The following GALNTL6 variants were observed in gnomAD, a reference collection of about 807,000 sequenced individuals.
The protein encoded by GALNTL6 is polypeptide N-acetylgalactosaminyltransferase-like 6.
GALNTL6 carries 46 observed loss-of-function variants against 73.7 expected under a neutral mutation model. The ratio of observed to expected loss-of-function variants is 0.62; its 90% confidence interval spans 0.49 to 0.80. The LOEUF (loss-of-function observed/expected upper bound fraction) is 0.80, where lower values mean the gene tolerates loss of function less well. Among genes scored for constraint, GALNTL6 ranks in the 30% least tolerant of loss-of-function variants. The pLI is 0.00. For synonymous variants in GALNTL6, 259 were observed against 263.7 expected, an observed-to-expected ratio of 0.98 and a Z score of 0.17; for missense variants, 604 against 755.0, an observed-to-expected ratio of 0.80 and a Z score of 2.34.
chr4:172,334,571 A>T (rs530109961), intron 4 of GALNTL6, among the ~76,000 whole-genome samples: 5 of 152,064 alleles, frequency 3.3e-5, no homozygotes, highest in East Asian at 1.9e-4. Flanking sequence ...TTTTACATTA[A>T]TTTTTTATCC....
intron 2 of GALNTL6, among the ~76,000 whole-genome samples, chr4:172,156,773 G>T (rs1200691874): frequency 1.3e-5 from 2 of 151,762 alleles, no homozygotes; most frequent in African/African-American, 4.8e-5. Flanking sequence ...GGAAGTGTGT[G>T]CCATGGGGTG....
chr4:172,494,298 A>C (rs338005), intron 5 of GALNTL6, among the ~76,000 whole-genome samples: 120,576 of 152,038 alleles, frequency 0.79, 48,151 homozygotes, highest in East Asian at 0.99. Flanking sequence ...CTGGGGATTA[A>C]ATAAGTTAAA....
chr4:172,937,635 G>A (rs914784257), intron 9 of GALNTL6, among the ~76,000 whole-genome samples: 5 of 152,226 alleles, frequency 3.3e-5, no homozygotes, highest in African/African-American at 1.2e-4. Context: ...GCTAGGCCCT[G>A]GAAGTTTAAG....
At position 172,713,222 on chromosome 4, in the gene GALNTL6, ATGTG is replaced by A. The variant is rs61504713; in HGVS notation, c.554-96097_554-96094del. 5.8e-3 allele frequency among the ~76,000 whole-genome samples: 812 copies of A among 139,224 alleles called. 10 individuals carry two copies. Among genetic ancestry groups the A allele is most frequent in the African/African-American group, 0.017 (648 of 38,774 alleles). The allele number at this position is 139,224 out of a possible 152,430, so 91.3% of individuals were successfully genotyped here. On this transcript the variant is annotated intron_variant, in intron 5 of 12. Transcript: ENST00000506823. ...AATAAGAGAACAACAAAAGAATAAG[ATGTG>A]TGTGTGTGTGTGTGTGTGTGTGTGT... is the stretch of plus-strand genomic sequence containing the variant.
At chr4:171,968,837 G>A (rs1334821001) in intron 2 of GALNTL6, among the ~76,000 whole-genome samples, 2 of 112,256 alleles carry the variant, frequency 1.8e-5, no homozygotes, top group African/African-American at 5.4e-5. Context: ...TTTTTTGTGC[G>A]GGGTGGGGGG....
chr4:172,969,407 A>C (rs1454501050), intron 10 of GALNTL6, among the ~76,000 whole-genome samples: 2 of 152,174 alleles, frequency 1.3e-5, no homozygotes, highest in Non-Finnish European at 2.9e-5. Flanking sequence ...AGAAGAAAAA[A>C]CAACTAATAC....
chr4:172,043,152 A>G (rs1742131586), intron 2 of GALNTL6, among the ~76,000 whole-genome samples: 1 of 152,000 alleles, frequency 6.6e-6, no homozygotes, highest in East Asian at 1.9e-4. Context: ...GTTAACTAGC[A>G]ATTATTTTGG....
chr4:172,980,641 C>T (rs961136788), intron 10 of GALNTL6, among the ~76,000 whole-genome samples: 40 of 152,162 alleles, frequency 2.6e-4, no homozygotes, highest in African/African-American at 9.4e-4. Flanking sequence ...GTTTGGCGGG[C>T]GAGGGGAAAA....
At chr4:171,987,978 G>A (rs932807395) in intron 2 of GALNTL6, among the ~76,000 whole-genome samples, 6 of 152,166 alleles carry the variant, frequency 3.9e-5, no homozygotes, top group Admixed American at 3.9e-4. Context: ...ACAGCTGAAG[G>A]AGCCGGGGAG....
At chr4:172,901,231 T>A (rs929584934) in intron 8 of GALNTL6, among the ~76,000 whole-genome samples, 1 of 152,152 alleles carries the variant, frequency 6.6e-6, no homozygotes, top group African/African-American at 2.4e-5. Context: ...TTCCTGTCCC[T>A]CCCTGTTAGT....
At chr4:172,487,335 T>C (rs141959174) in intron 5 of GALNTL6, among the ~76,000 whole-genome samples, 12,676 of 135,948 alleles carry the variant, frequency 0.093, 758 homozygotes, top group Non-Finnish European at 0.15. Flanking sequence ...TCTTTCTTTC[T>C]TTCTTTCTTT....
At chr4:172,115,453 C>T (rs1193514406) in intron 2 of GALNTL6, among the ~76,000 whole-genome samples, 4 of 152,138 alleles carry the variant, frequency 2.6e-5, no homozygotes, top group Admixed American at 2.6e-4. Context: ...AAAGAAAGCA[C>T]ACATCTTAAT....
At chr4:172,493,315 CAGAA>C (rs947922225) in intron 5 of GALNTL6, among the ~76,000 whole-genome samples, 3 of 152,132 alleles carry the variant, frequency 2.0e-5, no homozygotes, top group African/African-American at 7.2e-5. Context: ...CTACCACTAA[CAGAA>C]AGAGCAATTT....
chr4:171,908,753 A>G (rs1228828159), intron 2 of GALNTL6, among the ~76,000 whole-genome samples: 2,003 of 147,714 alleles, frequency 0.014, 84 homozygotes, highest in African/African-American at 0.05. Flanking sequence ...CCAAATGTCC[A>G]ACAACGATAG....
chr4:172,412,966 A>G (rs1215032901), intron 5 of GALNTL6, among the ~76,000 whole-genome samples: 1 of 152,226 alleles, frequency 6.6e-6, no homozygotes. Flanking sequence ...CATTCTCAGC[A>G]GGAAGACAGA....
At position 172,336,270 on chromosome 4, in the gene GALNTL6, G is replaced by GTTTTTTTTTTTTTTTTTT. The variant is rs138448149; in HGVS notation, c.387-12249_387-12248insTTTTTTTTTTTTTTTTTT. On this transcript the variant is annotated intron_variant, in intron 4 of 12. Transcript: ENST00000506823. ...TGAGAACTCTTCTTGGTATAGTTTT[G>GTTTTTTTTTTTTTTTTTT]TTTTGTTTTTTTTTTTTTTTGACTG... Among the ~76,000 whole-genome samples, 7 of 108,420 alleles carry GTTTTTTTTTTTTTTTTTT rather than the reference G, an allele frequency of 6.5e-5. 2 individuals are homozygous for GTTTTTTTTTTTTTTTTTT. The highest frequency in any genetic ancestry group is 2.2e-4 in the African/African-American group (6 of 26,852). The allele number at this position is 108,420 out of a possible 152,430, so 71.1% of individuals were successfully genotyped here. A position where few individuals can be genotyped will look rare whatever the true frequency, so the allele number is the denominator to read the frequency against.
chr4:172,686,148 G>A (rs142790988), intron 5 of GALNTL6, among the ~76,000 whole-genome samples: 27 of 152,150 alleles, frequency 1.8e-4, no homozygotes, highest in Middle Eastern at 3.4e-3. Flanking sequence ...AATTCATCAC[G>A]CCTTGTGCTC....
At chr4:172,730,189 A>C (rs1736063786) in intron 5 of GALNTL6, among the ~76,000 whole-genome samples, 1 of 152,110 alleles carries the variant, frequency 6.6e-6, no homozygotes, top group African/African-American at 2.4e-5. Context: ...AGCTAATTAG[A>C]CTTCCTCCTT....
chr4:171,892,743 T>C (rs1234009209), intron 2 of GALNTL6, among the ~76,000 whole-genome samples: 1 of 152,074 alleles, frequency 6.6e-6, no homozygotes, highest in African/African-American at 2.4e-5. Context: ...TTAAAAAAAT[T>C]TGTATAGACG....
Sources: gnomAD v4.1 joint callset for allele counts (sites outside exome capture counted in the v4.1 genomes callset) on GRCh38, gnomAD v4.1.1 for gene constraint, MANE v1.5 for transcripts, NCBI Gene and HGNC (gene_info 2026-07-23, HGNC 2026-07-21) for gene names.